Variants in RASSF1 observed in about 807,000 individuals in gnomAD.
RASSF1 encodes the protein ras association domain-containing protein 1.
RASSF1 carries 33 observed loss-of-function variants against 34.3 expected under a neutral mutation model. The ratio of observed to expected loss-of-function variants is 0.96; its 90% CI spans 0.73 to 1.29. The LOEUF (loss-of-function observed/expected upper bound fraction) is 1.29, where lower values mean the gene tolerates loss of function less well. Ranked by LOEUF, RASSF1 falls within the 50% of genes most tolerant of loss-of-function variation. The probability of loss-of-function intolerance (pLI) is 0.00; values close to 1 mark genes in which losing one functional copy is unlikely to be tolerated. For missense variants in RASSF1, 445 were observed against 471.8 expected, an observed-to-expected ratio of 0.94 and a Z score of 0.53; for synonymous variants, 191 against 195.0, an observed-to-expected ratio of 0.98 and a Z score of 0.17.
chr3:50,330,685 T>G lies in RASSF1; in HGVS notation c.919A>C (p.Ile307Leu). ...SMPELHNFLR[I>L]LQREEEEHLR... The stretch of plus-strand genomic sequence containing the variant: ...TGCTCCTCCTCCTCCCGCTGCAGGA[T>G]ACGTAGGAAGTTATGTAGTTCAGGC... The change falls in exon 6 of 6, where the codon ATC (isoleucine) becomes CTC (leucine). Residue 307 changes from isoleucine to leucine, a missense_variant. Physicochemically the swap from Ile to Leu is conservative, Grantham distance 5. Transcript: ENST00000359365. This position sits in a 1 kb window ranked among gnomAD's most constrained non-coding sequence, Gnocchi z 4.5. 6.2e-7 allele frequency: 1 copy of G among 1,614,062 alleles called. No homozygotes were observed. Among genetic ancestry groups the G allele is most frequent in the East Asian group, 2.2e-5 (1 of 44,886 alleles).
intron 2 of RASSF1, chr3:50,337,409 C>A: frequency 6.3e-7 from 1 of 1,582,838 alleles, no homozygotes. Context: ...TGTCAGTGTG[C>A]GCGTGCGCCC....
intron 2 of RASSF1, among the ~76,000 whole-genome samples, chr3:50,333,976 C>A (rs146440748): frequency 7.2e-4 from 109 of 152,324 alleles, no homozygotes; most frequent in African/African-American, 2.5e-3. Context: ...GTCACAGACA[C>A]AGCTAAGCTC....
chr3:50,339,617 C>T (rs1428304324), intron 1 of RASSF1, among the ~76,000 whole-genome samples: 2 of 152,100 alleles, frequency 1.3e-5, no homozygotes, highest in Non-Finnish European at 2.9e-5. Context: ...GATCCACCCG[C>T]CTCCGCCTTC....
chr3:50,333,825 C>A (rs1028679620), intron 2 of RASSF1, among the ~76,000 whole-genome samples: 3 of 152,188 alleles, frequency 2.0e-5, no homozygotes, highest in Non-Finnish European at 4.4e-5. Context: ...CATCTAGGGA[C>A]TGGATTCTTG....
At position 50,330,475 on chromosome 3, in the gene RASSF1, G is replaced by T. The variant is rs1255678778; in HGVS notation, c.*106C>A. 7 of 1,452,826 alleles carry T rather than the reference G, an allele frequency of 4.8e-6. No individual in the cohort carries two copies. Among genetic ancestry groups the T allele is most frequent in the Non-Finnish European group, 6.6e-6 (7 of 1,060,262 alleles). 90.0% of individuals were successfully genotyped at this position (1,452,826 alleles called of 1,614,324 possible). On this transcript the variant is annotated 3_prime_UTR_variant, in exon 6 of 6. Transcript: ENST00000359365. The surrounding 1 kb of genome is among the most constrained non-coding windows in gnomAD (Gnocchi z 4.5). ...TGGGCTCATTCCCCCAGCACAGGAGGGCCTCCATGCACACTCATTCCACAG... is the reference window on the plus strand; with the variant it reads ...TGGGCTCATTCCCCCAGCACAGGAGTGCCTCCATGCACACTCATTCCACAG...
At chr3:50,337,659 G>A (rs587773253) in intron 2 of RASSF1, 5 of 905,982 alleles carry the variant, frequency 5.5e-6, no homozygotes, top group African/African-American at 3.4e-5. Context: ...GGAAGGTGCG[G>A]GAAGTGCGCG....
chr3:50,338,978 C>G (rs1290430233), intron 1 of RASSF1, among the ~76,000 whole-genome samples: 1 of 152,208 alleles, frequency 6.6e-6, no homozygotes, highest in Non-Finnish European at 1.5e-5. Flanking sequence ...CCATATCTCA[C>G]GATGAAGTCT....
At chr3:50,333,082 G>C (rs969787854) in intron 2 of RASSF1, among the ~76,000 whole-genome samples, 96 of 150,846 alleles carry the variant, frequency 6.4e-4, no homozygotes, top group Non-Finnish European at 8.4e-4. Flanking sequence ...CAACAAGAGC[G>C]AAACTCGGTC....
chr3:50,331,084 C>G (rs1048524325), intron 5 of RASSF1, among the ~76,000 whole-genome samples: 1 of 152,226 alleles, frequency 6.6e-6, no homozygotes, highest in Non-Finnish European at 1.5e-5. Flanking sequence ...TGGACTCCTG[C>G]ATCTCCAGAA....
At chr3:50,332,016 C>T (rs753957011) in intron 3 of RASSF1, 34 bp downstream of exon 3, 1 of 1,603,472 alleles carries the variant, frequency 6.2e-7, no homozygotes, top group East Asian at 2.2e-5. Context: ...GTACCTGCTC[C>T]TCCCCACGCC....
At chr3:50,340,465 C>T (rs913028071) in intron 1 of RASSF1, 91 bp downstream of exon 1, 119 of 1,366,540 alleles carry the variant, frequency 8.7e-5, no homozygotes, top group Non-Finnish European at 1.1e-4. Flanking sequence ...CTGTCCCCGC[C>T]GACCCCCTCT....
chr3:50,340,564 T>C lies in RASSF1; in HGVS notation c.242A>G (p.Gln81Arg). Residue 81 changes from glutamine to arginine, a missense_variant, in exon 1 of 6, where the codon CAG becomes CGG. Coordinates refer to ENST00000359365, the MANE Select transcript of RASSF1 (RefSeq NM_007182.5). ...FIWGVVRKGL[Q>R]CAHCKFTCHY... ...GCGGGGCCACTACTCACGCGCGCAC[T>C]GCAGGCCTTTGCGCACGACGCCCCA... The C allele has an allele frequency of 6.5e-7, 1 of 1,539,816 alleles. No individual in the cohort carries two copies. The highest frequency in any genetic ancestry group is 8.7e-7 in the Non-Finnish European group (1 of 1,154,498).
chr3:50,338,665 T>A (rs1703255014), intron 1 of RASSF1, among the ~76,000 whole-genome samples: 1 of 152,170 alleles, frequency 6.6e-6, no homozygotes, highest in South Asian at 2.1e-4. Flanking sequence ...GCCCTGTGGT[T>A]GTCACCTGTC....
chr3:50,340,786 A>G lies in RASSF1; in HGVS notation c.20T>C (p.Leu7Pro). 1 of 1,512,406 alleles carries G rather than the reference A, an allele frequency of 6.6e-7. No homozygotes were observed. Among genetic ancestry groups the G allele is most frequent in the Non-Finnish European group, 8.8e-7 (1 of 1,140,352 alleles). 93.7% of individuals were successfully genotyped at this position (1,512,406 alleles called of 1,614,324 possible). A position where few individuals can be genotyped will look rare whatever the true frequency, so the allele number is the denominator to read the frequency against. ...GGGTGCCAGCTCCCGCAGCTCAATG[A>G]GCTCAGGCTCCCCCGACATGGCCCG... MSGEPELIELRELAPAG... is the reference protein window; with the variant it reads MSGEPEPIELRELAPAG... Residue 7 changes from leucine to proline, a missense_variant, in exon 1 of 6, where the codon CTC becomes CCC. By Grantham distance (98) the Leu-to-Pro change is moderately conservative. Transcript: ENST00000359365.
Position 50,331,630 on chromosome 3 carries a change from A to G in RASSF1, c.689T>C (p.Leu230Pro), listed in dbSNP as rs1702943852. 1 of 1,606,452 alleles carries G rather than the reference A, an allele frequency of 6.2e-7. No homozygotes were observed. ...TRAREVIEALLRKFLVVDDPR... is the reference protein window; with the variant it reads ...TRAREVIEALPRKFLVVDDPR... Reference sequence around the variant, plus strand: ...GTCATCCACCACCAAGAACTTTCGCAGCAGGGCCTCAATGACTTCACGTGC... The same window carrying G: ...GTCATCCACCACCAAGAACTTTCGCGGCAGGGCCTCAATGACTTCACGTGC... The change falls in exon 4 of 6, where the codon CTG (leucine) becomes CCG (proline). Residue 230 changes from leucine (L) to proline (P), a missense_variant. By Grantham distance (98) the Leu-to-Pro change is moderately conservative. Transcript: ENST00000359365.
chr3:50,339,931 C>T (rs905659007), intron 1 of RASSF1, among the ~76,000 whole-genome samples: 6 of 152,144 alleles, frequency 3.9e-5, no homozygotes, highest in African/African-American at 1.2e-4. Context: ...TCCAGGCTAG[C>T]GGGGAGGACT....
intron 2 of RASSF1, chr3:50,337,415 C>T: frequency 1.3e-6 from 2 of 1,581,150 alleles, no homozygotes; most frequent in African/African-American, 1.3e-5. Context: ...TGTGCGCGTG[C>T]GCCCGGGCCA....
rs764108224 is a variant in RASSF1 at position 50,331,809 on chromosome 3, C to T, written c.510G>A (p.Leu170=). The T allele has an allele frequency of 2.9e-5, 46 of 1,591,716 alleles. No homozygotes were observed. Among genetic ancestry groups the T allele is most frequent in the Non-Finnish European group, 3.9e-5 (45 of 1,164,000 alleles). The change falls in exon 4 of 6, where the codon CTG becomes CTA. Residue 170 remains leucine, a synonymous_variant. Coordinates refer to ENST00000359365, the MANE Select transcript of RASSF1 (RefSeq NM_007182.5). Reference sequence around the variant, plus strand: ...TGGAGGGCACAGAGACAGGGCGCACCAGCTTCAGCTGAACCTTGATGAAGC... The same window carrying T: ...TGGAGGGCACAGAGACAGGGCGCACTAGCTTCAGCTGAACCTTGATGAAGC... The part of the protein sequence containing the change: ...YTGFIKVQLK[L]VRPVSVPSSK...
intron 2 of RASSF1, chr3:50,337,507 G>C (rs746062619): frequency 6.5e-7 from 1 of 1,529,132 alleles, no homozygotes; most frequent in South Asian, 1.2e-5. Context: ...ACGCCGGGGC[G>C]GGGACACGCA....
Sources: gnomAD v4.1 joint callset for allele counts (sites outside exome capture counted in the v4.1 genomes callset) on GRCh38, gnomAD v4.1.1 for gene constraint, Gnocchi (gnomAD v3.1) non-coding constraint, MANE v1.5 for transcripts, NCBI Gene and HGNC (gene_info 2026-07-23, HGNC 2026-07-21) for gene names.